Variants in MAGI1 observed in about 807,000 individuals in gnomAD.
MAGI1 encodes membrane associated guanylate kinase, WW and PDZ domain containing 1.
In MAGI1, 58 loss-of-function variants were observed where a neutral mutation model predicts 139.9. The observed-to-expected ratio is 0.41, with a 90% CI of 0.34 to 0.52. The LOEUF (loss-of-function observed/expected upper bound fraction) is 0.52. MAGI1 is among the 20% of genes least tolerant of loss of function. The pLI is 0.12. For missense variants in MAGI1, 1,874 were observed against 1,901.6 expected (o/e 0.99, Z 0.27); for synonymous variants, 812 against 737.9 (o/e 1.10, Z -1.63).
chr3:65,432,259 C>G (rs1947510584), intron 10 of MAGI1, among the ~76,000 whole-genome samples: 1 of 151,956 alleles, frequency 6.6e-6, no homozygotes, highest in Admixed American at 6.6e-5. Flanking sequence ...CTTCTTATAC[C>G]CTGTCCTTGC....
intron 1 of MAGI1, among the ~76,000 whole-genome samples, chr3:65,657,079 C>T (rs1489062954): frequency 6.6e-6 from 1 of 150,664 alleles, no homozygotes; most frequent in Non-Finnish European, 1.5e-5. Flanking sequence ...ATGTCTACTA[C>T]ATGCCAAGTA....
chr3:65,634,294 A>G (rs1254947958), intron 1 of MAGI1, among the ~76,000 whole-genome samples: 1 of 152,230 alleles, frequency 6.6e-6, no homozygotes, highest in African/African-American at 2.4e-5. Flanking sequence ...GCAAAAAACC[A>G]ACACATATTC....
intron 1 of MAGI1, among the ~76,000 whole-genome samples, chr3:65,951,303 C>T (rs2063852182): frequency 6.6e-6 from 1 of 152,118 alleles, no homozygotes; most frequent in South Asian, 2.1e-4. Context: ...TTGAATTTCT[C>T]GTTTTATTTC....
At chr3:65,761,150 C>A (rs932415556) in intron 1 of MAGI1, among the ~76,000 whole-genome samples, 1 of 152,146 alleles carries the variant, frequency 6.6e-6, no homozygotes, top group Non-Finnish European at 1.5e-5. Flanking sequence ...GTCCTCTTGA[C>A]TTTCACCAGG....
intron 1 of MAGI1, among the ~76,000 whole-genome samples, chr3:65,732,348 G>A (rs527513464): frequency 1.3e-5 from 2 of 152,276 alleles, no homozygotes; most frequent in African/African-American, 4.8e-5. Flanking sequence ...CTGATCCTTG[G>A]GGATACTGAT....
At chr3:65,763,377 C>T (rs931870774) in intron 1 of MAGI1, among the ~76,000 whole-genome samples, 3 of 152,104 alleles carry the variant, frequency 2.0e-5, no homozygotes, top group Admixed American at 6.6e-5. Context: ...ACTTATATTA[C>T]ATAAATTTGT....
chr3:65,941,863 C>T (rs922820630), intron 1 of MAGI1, among the ~76,000 whole-genome samples: 1 of 152,206 alleles, frequency 6.6e-6, no homozygotes, highest in African/African-American at 2.4e-5. Context: ...GGAATCTTGG[C>T]TCACTGCAGC....
chr3:65,430,588 A>G (rs1947382737), intron 11 of MAGI1, 111 bp downstream of exon 11: 3 of 1,123,728 alleles, frequency 2.7e-6, no homozygotes, highest in African/African-American at 3.1e-5. Context: ...AACATGTGCA[A>G]TCATGACGTT....
At chr3:65,767,464 G>T (rs1488267143) in intron 1 of MAGI1, among the ~76,000 whole-genome samples, 1 of 151,516 alleles carries the variant, frequency 6.6e-6, no homozygotes, top group African/African-American at 2.4e-5. Flanking sequence ...AAAGAAAAAA[G>T]AAAAATAAAT....
At chr3:65,478,023 T>C (rs981960847) in intron 4 of MAGI1, among the ~76,000 whole-genome samples, 3 of 152,020 alleles carry the variant, frequency 2.0e-5, no homozygotes, top group East Asian at 3.9e-4. Context: ...CATATATAGA[T>C]ATAATGTTAG....
intron 2 of MAGI1, among the ~76,000 whole-genome samples, chr3:65,500,559 C>T (rs1025716726): frequency 1.3e-5 from 2 of 152,236 alleles, no homozygotes; most frequent in Non-Finnish European, 2.9e-5. Context: ...GGACTGGGAA[C>T]TTATCTGCGC....
intron 2 of MAGI1, among the ~76,000 whole-genome samples, chr3:65,600,710 T>C (rs913922449): frequency 6.6e-6 from 1 of 152,242 alleles, no homozygotes; most frequent in African/African-American, 2.4e-5. Flanking sequence ...CAGTGAAATG[T>C]AGACACTTCT....
At chr3:65,370,796 G>A (rs1281411440) in intron 18 of MAGI1, among the ~76,000 whole-genome samples, 3 of 152,236 alleles carry the variant, frequency 2.0e-5, no homozygotes, top group East Asian at 1.9e-4. Context: ...GTTGGACTAC[G>A]GGTGCAAGCC....
intron 1 of MAGI1, among the ~76,000 whole-genome samples, chr3:65,778,630 C>G (rs997954431): frequency 6.6e-6 from 1 of 152,088 alleles, no homozygotes; most frequent in Non-Finnish European, 1.5e-5. Flanking sequence ...AGTTAAGCAA[C>G]TTGCCAGGAC....
chr3:65,357,036 G>C lies in MAGI1; in HGVS notation c.3731C>G (p.Ser1244Cys), dbSNP rs1319637998. The C allele has an allele frequency of 1.8e-5, 29 of 1,613,872 alleles. No homozygotes were observed. The highest frequency in any genetic ancestry group is 2.7e-5 in the African/African-American group (2 of 74,862). Residue 1244 changes from serine to cysteine, a missense_variant, in exon 23 of 23, where the codon TCC becomes TGC. Ser to Cys is a moderately radical substitution (Grantham distance 112, BLOSUM62 -1). Around this residue, in one of 5 missense-constraint regions of MAGI1, gnomAD observed 653 missense variants for 644.5 expected, o/e 1.01. Coordinates refer to ENST00000402939, the MANE Select transcript of MAGI1 (RefSeq NM_001033057.2). ...TTTGTGAAGATCGGGTGGGTAACTG[G>C]ACTCCAATGACGGATGCTGCCGGCG... Reference protein sequence around the residue: ...PDRRQHPSLESSYPPDLHKSS... With the variant: ...PDRRQHPSLECSYPPDLHKSS...
At chr3:65,409,673 C>T (rs1191415149) in intron 12 of MAGI1, among the ~76,000 whole-genome samples, 3 of 151,714 alleles carry the variant, frequency 2.0e-5, no homozygotes, top group Non-Finnish European at 2.9e-5. Flanking sequence ...ACCATCATAA[C>T]CCCGTAGCAT....
intron 1 of MAGI1, among the ~76,000 whole-genome samples, chr3:65,892,842 GA>G (rs1403836341): frequency 7.9e-5 from 12 of 152,134 alleles, no homozygotes; most frequent in Non-Finnish European, 5.9e-5. Flanking sequence ...CAGGAAATAG[GA>G]AACACTATTA....
At chr3:65,541,704 T>G (rs1017992342) in intron 2 of MAGI1, among the ~76,000 whole-genome samples, 1 of 152,150 alleles carries the variant, frequency 6.6e-6, no homozygotes, top group Non-Finnish European at 1.5e-5. Context: ...GAAAAGACCT[T>G]TGATAAAATT....
At chr3:65,397,697 C>T (rs931506376) in intron 13 of MAGI1, among the ~76,000 whole-genome samples, 9 of 152,200 alleles carry the variant, frequency 5.9e-5, no homozygotes, top group East Asian at 1.9e-4. Context: ...CTTATTCAAT[C>T]GTGGGTGTTG....
Sources: gnomAD v4.1 joint callset for allele counts (sites outside exome capture counted in the v4.1 genomes callset) on GRCh38, gnomAD v4.1.1 for gene constraint, gnomAD v4.1.1 regional missense constraint, MANE v1.5 for transcripts, NCBI Gene and HGNC (gene_info 2026-07-23, HGNC 2026-07-21) for gene names.